The following BANP variants were observed in gnomAD, a reference collection of about 807,000 sequenced individuals.
BANP encodes the protein BTG3 associated nuclear protein.
BANP carries 11 observed loss-of-function variants against 68.1 expected under a neutral mutation model. The ratio of observed to expected loss-of-function variants is 0.16; its 90% CI spans 0.10 to 0.27. BANP has a LOEUF of 0.27. BANP is among the 10% of genes least tolerant of loss of function. BANP has a pLI of 1.00. For synonymous variants in BANP, 329 were observed against 303.2 expected, an observed-to-expected ratio of 1.09 and a Z score of -0.88; for missense variants, 504 against 722.7, an observed-to-expected ratio of 0.70 and a Z score of 3.47.
intron 1 of BANP, among the ~76,000 whole-genome samples, chr16:87,963,974 A>C (rs1316351896): frequency 6.6e-6 from 1 of 152,196 alleles, no homozygotes; most frequent in Non-Finnish European, 1.5e-5. Context: ...ATACTTTTGC[A>C]GCTGTCCGTT....
intron 4 of BANP, among the ~76,000 whole-genome samples, chr16:88,000,257 T>G (rs1348637585): frequency 7.4e-5 from 2 of 26,876 alleles, no homozygotes; most frequent in Non-Finnish European, 1.5e-4. Flanking sequence ...TACTCACCTG[T>G]CCTTCCAGAC....
chr16:87,968,560 C>G (rs1396732207), intron 1 of BANP, among the ~76,000 whole-genome samples: 1 of 151,586 alleles, frequency 6.6e-6, no homozygotes, highest in East Asian at 1.9e-4. Flanking sequence ...AAAAAGAAGG[C>G]TGTATTGATG....
intron 11 of BANP, among the ~76,000 whole-genome samples, chr16:88,048,736 C>T (rs982699284): frequency 3.0e-4 from 46 of 151,010 alleles, no homozygotes; most frequent in African/African-American, 1.0e-3. Flanking sequence ...GGTATCAAAT[C>T]GGCACTCACC....
intron 11 of BANP, among the ~76,000 whole-genome samples, chr16:88,043,748 G>T (rs1460419596): frequency 6.6e-6 from 1 of 152,320 alleles, no homozygotes. Context: ...GATTCATAGA[G>T]GGAGAGAGTA....
chr16:88,027,785 G>A, intron 8 of BANP, 135 bp downstream of exon 8: 1 of 1,075,970 alleles, frequency 9.3e-7, no homozygotes. Flanking sequence ...CTTGCGCGGT[G>A]CGCACGGAGC....
rs531097516 is a variant in BANP at position 88,028,761 on chromosome 16, G to A, written c.1063+1111G>A. ...GCTGTAGGAATATTGCGCATGACTT[G>A]AATTCTGCTCTTGAATATTCATAGC... On this transcript the variant is annotated intron_variant, in intron 8 of 13. Transcript: ENST00000682872. 2.0e-5 allele frequency among the ~76,000 whole-genome samples: 3 copies of A among 152,330 alleles called. No homozygotes were observed. The East Asian group carries it at 5.8e-4, about 29-fold the overall frequency.
In BANP at chr16:88,064,237, A is replaced by G. The variant is rs1475221356; in HGVS notation, c.1312-1030A>G. 1.3e-5 allele frequency among the ~76,000 whole-genome samples: 2 copies of G among 151,928 alleles called. No homozygotes were observed. The highest frequency in any genetic ancestry group is 6.6e-5 in the Admixed American group (1 of 15,252). Reference sequence around the variant, plus strand: ...GGGAGAGTGGACAGCGAGGCGGTGGATGTTGAGGCAGTTGTGCGTCCACGG... The same window carrying G: ...GGGAGAGTGGACAGCGAGGCGGTGGGTGTTGAGGCAGTTGTGCGTCCACGG... On this transcript the variant is annotated intron_variant, in intron 11 of 13. Transcript: ENST00000682872. This position sits in a 1 kb window ranked among gnomAD's most constrained non-coding sequence, Gnocchi z 4.5.
intron 13 of BANP, among the ~76,000 whole-genome samples, chr16:88,075,201 C>T (rs1293100684): frequency 6.6e-6 from 1 of 152,182 alleles, no homozygotes; most frequent in East Asian, 1.9e-4. Flanking sequence ...CAAAAATTAG[C>T]CAGGCATGGT....
intron 4 of BANP, among the ~76,000 whole-genome samples, chr16:87,994,991 T>C (rs954884915): frequency 1.3e-5 from 2 of 151,998 alleles, no homozygotes; most frequent in Non-Finnish European, 2.9e-5. Flanking sequence ...CTGCCCTGGG[T>C]GCCTCTGATG....
chr16:87,989,964 C>T (rs1030909890), intron 4 of BANP, among the ~76,000 whole-genome samples: 27 of 151,794 alleles, frequency 1.8e-4, no homozygotes, highest in African/African-American at 5.6e-4. Context: ...GATGCAGGCC[C>T]GCGTGGCTGC....
chr16:88,049,946 A>G (rs900244555), intron 11 of BANP, among the ~76,000 whole-genome samples: 2 of 152,206 alleles, frequency 1.3e-5, no homozygotes, highest in African/African-American at 4.8e-5. Flanking sequence ...AGCATAGGAA[A>G]TGTGTTGTTC....
chr16:87,998,764 A>G (rs1294340858), intron 4 of BANP, among the ~76,000 whole-genome samples: 2 of 134,394 alleles, frequency 1.5e-5, no homozygotes, highest in Non-Finnish European at 3.1e-5. Flanking sequence ...AGACACCCAG[A>G]CACGTCTCCA....
At chr16:88,010,550 G>A (rs1237635578) in intron 6 of BANP, among the ~76,000 whole-genome samples, 4 of 152,198 alleles carry the variant, frequency 2.6e-5, no homozygotes, top group African/African-American at 4.8e-5. Context: ...TGCTGACCTC[G>A]TTGTCCCAGA....
At chr16:87,954,775 T>C (rs1449724132) in intron 1 of BANP, among the ~76,000 whole-genome samples, 2 of 152,214 alleles carry the variant, frequency 1.3e-5, no homozygotes, top group East Asian at 3.8e-4. Context: ...GTGTGTTCTT[T>C]CTTGTGGGTT....
chr16:87,999,873 C>T (rs2152538095), intron 4 of BANP, among the ~76,000 whole-genome samples: 1 of 64,312 alleles, frequency 1.6e-5, no homozygotes, highest in Non-Finnish European at 3.2e-5. Context: ...CACGCACGTG[C>T]ACGGCTGTAC....
intron 4 of BANP, among the ~76,000 whole-genome samples, chr16:87,992,450 G>C (rs1344366618): frequency 6.6e-6 from 1 of 152,062 alleles, no homozygotes. Context: ...AAATTTGATA[G>C]AATTTGCCAG....
At chr16:88,025,850 C>A (rs1567793996) in intron 7 of BANP, among the ~76,000 whole-genome samples, 1 of 152,154 alleles carries the variant, frequency 6.6e-6, no homozygotes, top group Non-Finnish European at 1.5e-5. Context: ...TCAGCTTAAT[C>A]TTTTTATTAC....
chr16:88,068,741 C>T (rs1186752845), intron 12 of BANP, among the ~76,000 whole-genome samples: 4 of 152,178 alleles, frequency 2.6e-5, no homozygotes, highest in Admixed American at 6.5e-5. Context: ...CTCCCCAGCC[C>T]CCTTTCCAAG....
chr16:88,052,131 C>G (rs958642168), intron 11 of BANP, among the ~76,000 whole-genome samples: 1 of 152,136 alleles, frequency 6.6e-6, no homozygotes, highest in African/African-American at 2.4e-5. Flanking sequence ...ATTTGTTGTT[C>G]TAATTACTAC....
Sources: gnomAD v4.1 joint callset for allele counts (sites outside exome capture counted in the v4.1 genomes callset) on GRCh38, gnomAD v4.1.1 for gene constraint, Gnocchi (gnomAD v3.1) non-coding constraint, MANE v1.5 for transcripts, NCBI Gene and HGNC (gene_info 2026-07-23, HGNC 2026-07-21) for gene names.